Variants in PPID observed in about 807,000 individuals in gnomAD.
PPID encodes peptidyl-prolyl cis-trans isomerase D.
In PPID, 47 loss-of-function variants were observed where a neutral mutation model predicts 48.1. The ratio of observed to expected loss-of-function variants is 0.98; its 90% confidence interval spans 0.77 to 1.25. PPID has a LOEUF of 1.25. PPID is among the 50% of genes most tolerant of loss of function. The pLI is 0.00. For missense variants in PPID, 429 were observed against 443.5 expected (o/e 0.97, Z 0.29); for synonymous variants, 163 against 148.8 (o/e 1.10, Z -0.69).
chr4:158,719,382 T>C (rs1033306977), intron 2 of PPID, 96 bp from the exon 3 acceptor site: 3 of 776,988 alleles, frequency 3.9e-6, no homozygotes, highest in Non-Finnish European at 2.2e-6. Flanking sequence ...TTGTAGTGCA[T>C]GACTCTAGTC....
chr4:158,712,756 C>CA lies in PPID; in HGVS notation c.894+362dup, dbSNP rs1179171434. Among the ~76,000 whole-genome samples the CA allele has an allele frequency of 4.8e-3, 694 of 145,948 alleles. 2 individuals are homozygous for CA. The highest frequency in any genetic ancestry group is 0.015 in the African/African-American group (584 of 39,912). ...TGGGCAACAGAGTAAGACTCCGTCT[C>CA]AAAAAAAAAAGAAGAAGAAAAAAGC... On this transcript the variant is annotated intron_variant, in intron 7 of 9. Coordinates refer to ENST00000307720, the MANE Select transcript of PPID (RefSeq NM_005038.3).
intron 3 of PPID, 136 bp downstream of exon 3, chr4:158,719,044 T>C (rs1370174675): frequency 1.7e-6 from 1 of 588,360 alleles, no homozygotes; most frequent in African/African-American, 1.9e-5. Context: ...AACCATTATT[T>C]ACAAAAGTGA....
Position 158,710,633 on chromosome 4 carries a change from T to A in PPID, c.1019A>T (p.Asp340Val). The change falls in exon 9 of 10, where the codon GAT becomes GTT. Residue 340 changes from aspartate to valine, a missense_variant. By Grantham distance (152) the Asp-to-Val change is radical. Transcript: ENST00000307720. ...TACAAAAGCTGCCAACTTACCTTTA[T>A]CTTCTGGTGCTATCCCCTGAGCTTT... ...LKKAQGIAPE[D>V]KAIQAELLKV... 6.2e-7 allele frequency: 1 copy of A among 1,613,688 alleles called. No individual in the cohort carries two copies. Among genetic ancestry groups the A allele is most frequent in the East Asian group, 2.2e-5 (1 of 44,862 alleles).
rs539530461 is a variant in PPID, at chr4:158,721,225, A to G, written c.226+118T>C. 2.9e-5 allele frequency: 35 copies of G among 1,211,336 alleles called. 1 individual carries two copies. The East Asian group carries it at 4.4e-4, about 15-fold the overall frequency. The allele number at this position is 1,211,336 out of a possible 1,614,324, so 75.0% of individuals were successfully genotyped here. A position where few individuals can be genotyped will look rare whatever the true frequency, so the allele number is the denominator to read the frequency against. ...ACGAAACTGCGTTACTGCCTCAGAC[A>G]TGGACGCTAATAGTACTTTTTAAGC... On this transcript the variant is annotated intron_variant, in intron 2 of 9. Transcript: ENST00000307720.
At chr4:158,721,601 G>C in intron 1 of PPID, 118 bp from the exon 2 acceptor site, 1 of 1,242,940 alleles carries the variant, frequency 8.0e-7, no homozygotes, top group Non-Finnish European at 1.1e-6. Context: ...CCCCTTTACT[G>C]TAATTTTTCT....
chr4:158,721,223 AC>A, intron 2 of PPID, 119 bp downstream of exon 2: 1 of 1,185,882 alleles, frequency 8.4e-7, no homozygotes, highest in South Asian at 1.5e-5. Flanking sequence ...ACTGCCTCAG[AC>A]ATGGACGCTA....
At chr4:158,718,821 A>G (rs1405325276) in intron 3 of PPID, among the ~76,000 whole-genome samples, 3 of 152,200 alleles carry the variant, frequency 2.0e-5, no homozygotes, top group African/African-American at 7.2e-5. Context: ...CATCCTGGAT[A>G]TTAGTGATGG....
At position 158,713,123 on chromosome 4, in the gene PPID, AAAC is replaced by A. The variant is rs866098911; in HGVS notation, c.887_889del (p.Cys296del). 58 of 1,613,916 alleles carry A rather than the reference AAAC, an allele frequency of 3.6e-5. No homozygotes were observed. Among genetic ancestry groups the A allele is most frequent in the Non-Finnish European group, 4.7e-5 (55 of 1,179,978 alleles). On this transcript the variant is annotated inframe_deletion, in exon 7 of 10. Transcript: ENST00000307720. ...TTCAAAATCAAACAGACTTACCTCT[AAAC>A]AACTGTCAATTGCTCCCTGCCAATT...
At chr4:158,723,160 C>T in intron 1 of PPID, 44 bp downstream of exon 1, 1 of 1,568,172 alleles carries the variant, frequency 6.4e-7, no homozygotes, top group Non-Finnish European at 8.7e-7. Flanking sequence ...CCCGGGAACC[C>T]CCGCCTCCTC....
chr4:158,714,900 T>C (rs376152149), intron 6 of PPID, among the ~76,000 whole-genome samples: 3 of 152,340 alleles, frequency 2.0e-5, no homozygotes, highest in East Asian at 3.9e-4. Flanking sequence ...TAAATATGGA[T>C]TGATATTATC....
At chr4:158,721,688 T>C (rs1035976009) in intron 1 of PPID, among the ~76,000 whole-genome samples, 1 of 152,214 alleles carries the variant, frequency 6.6e-6, no homozygotes, top group African/African-American at 2.4e-5. Flanking sequence ...CTTAAATTTA[T>C]TCCCCCTTTC....
Position 158,715,573 on chromosome 4 carries a change from C to G in PPID, c.634G>C (p.Asp212His). ...CTGAAAGTACTCACATCTTTTAAAT[C>G]TATATCCGCATCCTCAGGGAAATCT... ...HPDFPEDADI[D>H]LKDVDKILLI... Residue 212 changes from aspartate (D) to histidine (H), a missense_variant, in exon 5 of 10, where the codon GAT (aspartate) becomes CAT (histidine). Transcript: ENST00000307720. 6.2e-7 allele frequency: 1 copy of G among 1,613,908 alleles called. No individual in the cohort carries two copies. The highest frequency in any genetic ancestry group is 8.5e-7 in the Non-Finnish European group (1 of 1,179,812).
Position 158,722,925 on chromosome 4 carries a change from G to C in PPID, c.85+279C>G, listed in dbSNP as rs17843883. Reference sequence around the variant, plus strand: ...AACTTGGTAGTGCAAAGGTGGCGTGGAAGTGCCACCAAATCAGGAGGCAAA... The same window carrying C: ...AACTTGGTAGTGCAAAGGTGGCGTGCAAGTGCCACCAAATCAGGAGGCAAA... On this transcript the variant is annotated intron_variant, in intron 1 of 9. Transcript: ENST00000307720. Among the ~76,000 whole-genome samples, 562 of 152,314 alleles carry C rather than the reference G, an allele frequency of 3.7e-3. 10 individuals carry two copies. Among genetic ancestry groups the C allele is most frequent in the African/African-American group, 0.013 (539 of 41,576 alleles).
intron 1 of PPID, 117 bp downstream of exon 1, chr4:158,723,087 C>A (rs1205807598): frequency 9.7e-7 from 1 of 1,035,140 alleles, no homozygotes. Context: ...AGGCAGCCAT[C>A]CCCTCCGCGA....
chr4:158,721,883 C>A (rs956651157), intron 1 of PPID, among the ~76,000 whole-genome samples: 3 of 152,034 alleles, frequency 2.0e-5, no homozygotes, highest in African/African-American at 7.3e-5. Flanking sequence ...TCAGAAGTGA[C>A]AAGATTTCAT....
chr4:158,720,369 G>C (rs1347053551), intron 2 of PPID, among the ~76,000 whole-genome samples: 2 of 152,080 alleles, frequency 1.3e-5, no homozygotes, highest in Non-Finnish European at 1.5e-5. Context: ...TTTTTAAAAA[G>C]TTAATTTTTT....
intron 6 of PPID, among the ~76,000 whole-genome samples, 197 bp from the exon 7 acceptor site, chr4:158,713,457 GC>G (rs908434678): frequency 2.6e-5 from 4 of 152,138 alleles, no homozygotes; most frequent in African/African-American, 9.7e-5. Context: ...GTTCAAAGAG[GC>G]CAATTTAAGA....
At chr4:158,711,230 T>G (rs892451633) in intron 7 of PPID, among the ~76,000 whole-genome samples, 9 of 152,096 alleles carry the variant, frequency 5.9e-5, no homozygotes, top group Admixed American at 5.9e-4. Flanking sequence ...TAAGTTTTTG[T>G]TTTTTGTTTT....
rs1024211703 is a variant in PPID, at chr4:158,723,382, G to A, written c.-94C>T. The A allele has an allele frequency of 2.3e-6, 3 of 1,282,762 alleles. No individual in the cohort carries two copies. Among genetic ancestry groups the A allele is most frequent in the East Asian group, 2.5e-5 (1 of 40,250 alleles). 79.5% of individuals were successfully genotyped at this position (1,282,762 alleles called of 1,614,324 possible). On this transcript the variant is annotated 5_prime_UTR_variant, in exon 1 of 10. Coordinates refer to ENST00000307720, the MANE Select transcript of PPID (RefSeq NM_005038.3). ...CAGAGTCCGTCTCCGCCGGAGACCG[G>A]CAGCGACGCTGACCGGCCACTTCCG... is the stretch of plus-strand genomic sequence containing the variant.
Sources: allele counts gnomAD v4.1 joint callset (sites outside exome capture counted in the v4.1 genomes callset), GRCh38; gene constraint gnomAD v4.1.1; transcripts MANE v1.5; gene names NCBI Gene and HGNC (gene_info 2026-07-23, HGNC 2026-07-21).